RABEP2: variants seen among roughly 807,000 people sequenced by gnomAD.
RABEP2 encodes rabaptin, RAB GTPase binding effector protein 2.
A neutral mutation model predicts 74.1 loss-of-function variants in RABEP2; 57 were observed. The ratio of observed to expected loss-of-function variants is 0.77; its 90% CI spans 0.62 to 0.96. The LOEUF is 0.96. Among genes scored for constraint, RABEP2 ranks in the 40% least tolerant of loss-of-function variants. The probability of loss-of-function intolerance (pLI) is 0.00; values close to 1 mark genes in which losing one functional copy is unlikely to be tolerated. For missense variants in RABEP2, 692 were observed against 756.3 expected, an observed-to-expected ratio of 0.91 and a Z score of 1.00; for synonymous variants, 351 against 344.0, an observed-to-expected ratio of 1.02 and a Z score of -0.23.
Position 28,924,416 on chromosome 16 carries a change from C to T in RABEP2, c.261G>A (p.Gln87=). 2 of 1,612,710 alleles carry T rather than the reference C, an allele frequency of 1.2e-6. No homozygotes were observed. Among genetic ancestry groups the T allele is most frequent in the Non-Finnish European group, 8.5e-7 (1 of 1,179,976 alleles). ...RQCQEEVASL[Q]AILKDSISSY... ...CCCGCGTCTCACCTTTCAGGATGGC[C>T]TGCAGCGAGGCCACCTCCTCTTGGC... Residue 87 remains glutamine, a synonymous_variant, in exon 2 of 13, where the codon CAG becomes CAA. Transcript: ENST00000358201.
At chr16:28,919,166 C>CT (rs1214017998) in intron 3 of RABEP2, among the ~76,000 whole-genome samples, 11 of 152,220 alleles carry the variant, frequency 7.2e-5, no homozygotes, top group Non-Finnish European at 1.6e-4. Flanking sequence ...CAGAGGCATC[C>CT]TTTTTTTAAG....
At chr16:28,921,965 A>C (rs967717983) in intron 2 of RABEP2, among the ~76,000 whole-genome samples, 1 of 151,966 alleles carries the variant, frequency 6.6e-6, no homozygotes, top group Non-Finnish European at 1.5e-5. Flanking sequence ...ACTCCGTCTC[A>C]AAAAACAAAA....
Position 28,905,035 on chromosome 16 carries a change from C to T in RABEP2, c.1618G>A (p.Glu540Lys). 6.2e-7 allele frequency: 1 copy of T among 1,604,310 alleles called. No homozygotes were observed. Among genetic ancestry groups the T allele is most frequent in the Non-Finnish European group, 8.5e-7 (1 of 1,177,956 alleles). The change falls in exon 13 of 13, where the codon GAG (glutamate) becomes AAG (lysine). Residue 540 changes from glutamate (E) to lysine (K), a missense_variant. Glu to Lys is a moderately conservative substitution (Grantham distance 56). Transcript: ENST00000358201. ...AGGGTCTCAGCCTGGCGGATCCGCTCTAGGCGCACCTGCCGGATCGGACGA... is the reference window on the plus strand; with the variant it reads ...AGGGTCTCAGCCTGGCGGATCCGCTTTAGGCGCACCTGCCGGATCGGACGA... ...RLSQALQVRL[E>K]RIRQAETLEQ...
chr16:28,912,768 C>T (rs575162368), intron 5 of RABEP2, among the ~76,000 whole-genome samples: 6 of 152,074 alleles, frequency 3.9e-5, no homozygotes, highest in Non-Finnish European at 7.4e-5. Flanking sequence ...CTTAACCCTG[C>T]AGGTGCTTCC....
chr16:28,919,878 C>CCTG lies in RABEP2; in HGVS notation c.337_339dup (p.Gln113dup), dbSNP rs373504496. 10 of 1,608,780 alleles carry CCTG rather than the reference C, an allele frequency of 6.2e-6. No homozygotes were observed. The highest frequency in any genetic ancestry group is 1.1e-5 in the South Asian group (1 of 90,526). ...AGCTCCCGCTCCTTCTCCTCACAGT[C>CCTG]CTGCTGCTGCTGCTGTCGCTCCTGC... On this transcript the variant is annotated inframe_insertion, in exon 3 of 13. Coordinates refer to ENST00000358201, the MANE Select transcript of RABEP2 (RefSeq NM_024816.3).
intron 8 of RABEP2, 79 bp downstream of exon 8, chr16:28,908,530 G>A (rs753829925): frequency 7.6e-6 from 11 of 1,451,374 alleles, no homozygotes; most frequent in Admixed American, 4.5e-5. Flanking sequence ...CTGGCTGGTC[G>A]TGACCAACGC....
At chr16:28,905,950 C>G in intron 9 of RABEP2, 69 bp downstream of exon 9, 1 of 1,612,586 alleles carries the variant, frequency 6.2e-7, no homozygotes, top group Non-Finnish European at 8.5e-7. Context: ...CGCCTGGGCC[C>G]CGGTGGCTCC....
Position 28,914,279 on chromosome 16 carries a change from T to C in RABEP2, c.851A>G (p.Tyr284Cys). 6.2e-7 allele frequency: 1 copy of C among 1,611,710 alleles called. No individual in the cohort carries two copies. Among genetic ancestry groups the C allele is most frequent in the African/African-American group, 1.3e-5 (1 of 75,022 alleles). Residue 284 changes from tyrosine (Y) to cysteine (C), a missense_variant, in exon 5 of 13, where the codon TAC (tyrosine) becomes TGC (cysteine). Transcript: ENST00000358201. ...CCACTGAGTGTCTGGGACGAGCTGG[T>C]AGCCAGGAGGGGGCAGGTAGATGCC... ...PEGIYLPPPGYQLVPDTQWEQ... is the reference protein window; with the variant it reads ...PEGIYLPPPGCQLVPDTQWEQ...
intron 2 of RABEP2, among the ~76,000 whole-genome samples, chr16:28,920,574 C>T (rs904308816): frequency 4.6e-5 from 7 of 152,040 alleles, no homozygotes; most frequent in Admixed American, 6.6e-5. Context: ...TTAGTAGAGA[C>T]GGGGTTTTGC....
chr16:28,925,094 C>G lies in RABEP2; in HGVS notation c.61+9G>C. 11 of 1,548,046 alleles carry G rather than the reference C, an allele frequency of 7.1e-6. No homozygotes were observed. Among genetic ancestry groups the G allele is most frequent in the South Asian group, 3.5e-5 (3 of 85,152 alleles). On this transcript the variant is annotated intron_variant, in intron 1 of 12. Transcript: ENST00000358201. Reference sequence around the variant, plus strand: ...CGTTCCCCGCTTGCACGGACGCCCCCTCACGTACCAGCCCCCGGCCGCCGC... The same window carrying G: ...CGTTCCCCGCTTGCACGGACGCCCCGTCACGTACCAGCCCCCGGCCGCCGC...
intron 5 of RABEP2, among the ~76,000 whole-genome samples, chr16:28,913,732 C>T (rs959807300): frequency 3.3e-5 from 5 of 151,658 alleles, no homozygotes; most frequent in Middle Eastern, 3.4e-3. Flanking sequence ...CCACCTCGGC[C>T]TCCCAAAGTG....
At chr16:28,908,566 C>T (rs1964267499) in intron 8 of RABEP2, 43 bp downstream of exon 8, 1 of 1,552,014 alleles carries the variant, frequency 6.4e-7, no homozygotes, top group Non-Finnish European at 8.7e-7. Flanking sequence ...AAGAAGGGGC[C>T]CTCACGGTGG....
intron 2 of RABEP2, 102 bp downstream of exon 2, chr16:28,924,296 AGCCCT>A: frequency 8.8e-7 from 1 of 1,132,470 alleles, no homozygotes; most frequent in Non-Finnish European, 1.3e-6. Context: ...TGTGCCAGGC[AGCCCT>A]GCTAACCTAT....
intron 3 of RABEP2, among the ~76,000 whole-genome samples, chr16:28,918,104 G>A (rs537428301): frequency 1.7e-5 from 2 of 114,704 alleles, no homozygotes; most frequent in South Asian, 3.0e-4. Flanking sequence ...ACGGAGTCTC[G>A]CTCTGTCGCC....
At chr16:28,908,988 T>C (rs1044921875) in intron 7 of RABEP2, among the ~76,000 whole-genome samples, 6 of 136,512 alleles carry the variant, frequency 4.4e-5, no homozygotes, top group African/African-American at 1.8e-4. Flanking sequence ...AAGCCAGATA[T>C]TTTACTTGGT....
intron 7 of RABEP2, 86 bp from the exon 8 acceptor site, chr16:28,908,850 C>G: frequency 7.2e-7 from 1 of 1,380,700 alleles, no homozygotes; most frequent in Non-Finnish European, 9.9e-7. Context: ...AACCCTCCTC[C>G]CAGACTGACA....
Position 28,924,542 on chromosome 16 carries a change from A to T in RABEP2, c.135T>A (p.Ala45=). 6.2e-7 allele frequency: 1 copy of T among 1,613,926 alleles called. No homozygotes were observed. The highest frequency in any genetic ancestry group is 1.1e-5 in the South Asian group (1 of 91,092). ...TTTCTGCCAGGGCGCCTGCCAGCTC[A>T]GCCCGAAGCCGGCTGAGCTCACCTG... ...AESGELSRLR[A]ELAGALAEME... Residue 45 remains alanine, a synonymous_variant, in exon 2 of 13, where the codon GCT becomes GCA. Transcript: ENST00000358201.
chr16:28,921,161 G>A (rs1412291506), intron 2 of RABEP2: 3 of 455,566 alleles, frequency 6.6e-6, no homozygotes, highest in Non-Finnish European at 1.3e-5. Context: ...ACCACACCCG[G>A]CCCTTAATCG....
intron 5 of RABEP2, among the ~76,000 whole-genome samples, chr16:28,912,156 G>T (rs1964322295): frequency 1.4e-5 from 2 of 147,426 alleles, no homozygotes; most frequent in African/African-American, 5.1e-5. Flanking sequence ...TGAGGCAGGA[G>T]TATGGCATGA....
Sources: allele counts gnomAD v4.1 joint callset (sites outside exome capture counted in the v4.1 genomes callset), GRCh38; gene constraint gnomAD v4.1.1; transcripts MANE v1.5; gene names NCBI Gene and HGNC (gene_info 2026-07-23, HGNC 2026-07-21).